Variants in GATA3 observed in about 807,000 individuals in gnomAD.
GATA3 encodes trans-acting T-cell-specific transcription factor GATA-3.
GATA3 carries 6 observed loss-of-function variants against 36.0 expected under a neutral mutation model. The ratio of observed to expected loss-of-function variants is 0.17; its 90% CI spans 0.09 to 0.33. The LOEUF (loss-of-function observed/expected upper bound fraction) is 0.33, where lower values mean the gene tolerates loss of function less well. Among genes scored for constraint, GATA3 ranks in the 10% least tolerant of loss-of-function variants. GATA3 has a pLI of 1.00. For missense variants in GATA3, 514 were observed against 610.1 expected (o/e 0.84, Z 1.66); for synonymous variants, 326 against 273.0 (o/e 1.19, Z -1.92).
upstream of GATA3, chr10:8,051,191 G>A (rs1434558128): frequency 4.3e-6 from 2 of 465,500 alleles, no homozygotes; most frequent in Non-Finnish European, 8.9e-6. Context: ...ATGTGTTTGG[G>A]GGTGTGTGTG....
At chr10:8,052,901 G>GT (rs1008095341), upstream of GATA3, 3 of 150,672 alleles carry the variant, frequency 2.0e-5, no homozygotes, top group Admixed American at 6.6e-5. Flanking sequence ...ACGTGGCGGG[G>GT]GGGGGGGGAG....
intron 5 of GATA3, among the ~76,000 whole-genome samples, chr10:8,072,441 T>TTTGC (rs1471344768): frequency 6.6e-6 from 1 of 152,164 alleles, no homozygotes; most frequent in Non-Finnish European, 1.5e-5. Context: ...AGATGTGGAG[T>TTTGC]TTGCTCTTCC....
At position 8,058,689 on chromosome 10, in the gene GATA3, G is replaced by T. The variant is rs1289615885; in HGVS notation, c.626G>T (p.Gly209Val). ...SHSRGSMTAL[G>V]GASSSTHHPI... ...TCCCGTGGCAGCATGACCGCCCTGG[G>T]TGGAGCCTCCTCGTCGACCCACCAC... The change falls in exon 3 of 6, where the codon GGT becomes GTT. Residue 209 changes from glycine (G) to valine (V), a missense_variant. Transcript: ENST00000379328. 3 of 1,613,058 alleles carry T rather than the reference G, an allele frequency of 1.9e-6. No individual in the cohort carries two copies. The highest frequency in any genetic ancestry group is 1.1e-5 in the South Asian group (1 of 91,090).
At chr10:8,060,129 A>G (rs1156884246) in intron 3 of GATA3, among the ~76,000 whole-genome samples, 1 of 152,190 alleles carries the variant, frequency 6.6e-6, no homozygotes, top group Admixed American at 6.5e-5. Flanking sequence ...ATTCACTCCG[A>G]CTGCCTGAGC....
intron 2 of GATA3, 87 bp from the exon 3 acceptor site, chr10:8,058,218 G>A (rs1220751419): frequency 6.2e-6 from 9 of 1,448,018 alleles, no homozygotes; most frequent in South Asian, 2.3e-5. Flanking sequence ...CCGATGCGAG[G>A]TAGAGATTCC....
upstream of GATA3, among the ~76,000 whole-genome samples, chr10:8,049,821 T>TA (rs1412056586): frequency 6.6e-6 from 1 of 151,936 alleles, no homozygotes; most frequent in Non-Finnish European, 1.5e-5. Flanking sequence ...CCTCCCACCA[T>TA]AGGGAAGGAA....
chr10:8,060,824 A>T (rs966652244), intron 3 of GATA3, among the ~76,000 whole-genome samples: 1 of 152,182 alleles, frequency 6.6e-6, no homozygotes, highest in Non-Finnish European at 1.5e-5. Flanking sequence ...GAATACCGAT[A>T]CACCGATTTT....
At chr10:8,063,593 T>C (rs1387295347) in intron 3 of GATA3, among the ~76,000 whole-genome samples, 2 of 152,218 alleles carry the variant, frequency 1.3e-5, no homozygotes, top group Non-Finnish European at 2.9e-5. Flanking sequence ...TTCCTTTTTT[T>C]CCTTTGAGGG....
At chr10:8,050,624 T>A (rs1832460382), upstream of GATA3, 1 of 206,380 alleles carries the variant, frequency 4.8e-6, no homozygotes, top group South Asian at 6.3e-5. Context: ...CCGGCTTCTT[T>A]TCTGTCTGCG....
Position 8,061,360 on chromosome 10 carries a change from C to T in GATA3, c.778+2519C>T, listed in dbSNP as rs148321607. 2.4e-3 allele frequency among the ~76,000 whole-genome samples: 364 copies of T among 152,298 alleles called. 1 individual carries two copies. The highest frequency in any genetic ancestry group is 4.3e-3 in the Non-Finnish European group (294 of 68,024). On this transcript the variant is annotated intron_variant, in intron 3 of 5. Coordinates refer to ENST00000379328, the MANE Select transcript of GATA3 (RefSeq NM_001002295.2). ...ATCTGATCGAGCTCCTGCCCTGCTC[C>T]CTACCCCCTCCCACAGCCTGGTTTA...
Position 8,055,731 on chromosome 10 carries a change from A to C in GATA3, c.76A>C (p.Thr26Pro), listed in dbSNP as rs1832621545. ...CGTGCTCAACGGGCAGCACCCGGACACGCACCACCCGGGCCTCAGCCACTC... is the reference window on the plus strand; with the variant it reads ...CGTGCTCAACGGGCAGCACCCGGACCCGCACCACCCGGGCCTCAGCCACTC... ...PAVLNGQHPD[T>P]HHPGLSHSYM... The change falls in exon 2 of 6, where the codon ACG becomes CCG. Residue 26 changes from threonine (T) to proline (P), a missense_variant. By Grantham distance (38) the Thr-to-Pro change is conservative (BLOSUM62 -1). Transcript: ENST00000379328. This position sits in a 1 kb window ranked among gnomAD's most constrained non-coding sequence, Gnocchi z 5.4. 2 of 1,572,700 alleles carry C rather than the reference A, an allele frequency of 1.3e-6. No homozygotes were observed. Among genetic ancestry groups the C allele is most frequent in the Non-Finnish European group, 1.7e-6 (2 of 1,159,276 alleles).
chr10:8,055,599 T>C lies in GATA3; in HGVS notation c.-57T>C, dbSNP rs1588374578. The stretch of plus-strand genomic sequence containing the variant: ...CCCCGACCTCCCAGGCGGACCGCCC[T>C]CCCTCCCCGCGCGCGGGTTCCGGGC... On this transcript the variant is annotated 5_prime_UTR_variant, in exon 2 of 6. Transcript: ENST00000379328. This position sits in a 1 kb window ranked among gnomAD's most constrained non-coding sequence, Gnocchi z 5.4. 1 of 1,485,722 alleles carries C rather than the reference T, an allele frequency of 6.7e-7. No individual in the cohort carries two copies. The highest frequency in any genetic ancestry group is 2.6e-5 in the East Asian group (1 of 38,334). The allele number at this position is 1,485,722 out of a possible 1,614,324, so 92.0% of individuals were successfully genotyped here.
At chr10:8,047,923 A>C (rs1196742935) in intron 1 of GATA3, among the ~76,000 whole-genome samples, 2 of 148,060 alleles carry the variant, frequency 1.4e-5, no homozygotes, top group Non-Finnish European at 3.0e-5. Flanking sequence ...TTTTTTTTTC[A>C]CCAGGTGGTC....
At chr10:8,059,028 C>A (rs545105042) in intron 3 of GATA3, among the ~76,000 whole-genome samples, 187 bp downstream of exon 3, 8 of 152,134 alleles carry the variant, frequency 5.3e-5, no homozygotes, top group Non-Finnish European at 8.8e-5. Flanking sequence ...CGCCTGGCCT[C>A]GGAAGCAGAG....
chr10:8,072,580 G>A (rs1265839365), intron 5 of GATA3, among the ~76,000 whole-genome samples: 1 of 152,212 alleles, frequency 6.6e-6, no homozygotes, highest in Non-Finnish European at 1.5e-5. Context: ...AGGCAAATGA[G>A]GTTTATTAAG....
chr10:8,047,209 C>A lies in GATA3; in HGVS notation c.-370+1694C>A, dbSNP rs1832402466. ...CAGTTGCCCTGGGTCACACAGAGTG[C>A]CTGGGGAACCGGCAGGTAGGTGGGA... On this transcript the variant is annotated intron_variant, in intron 1 of 1. Coordinates refer to the GATA3 transcript ENST00000643001. 2.0e-5 allele frequency among the ~76,000 whole-genome samples: 3 copies of A among 152,238 alleles called. No individual in the cohort carries two copies. The South Asian group carries it at 6.2e-4, about 32-fold the overall frequency.
At chr10:8,049,191 C>T (rs549871341), upstream of GATA3, among the ~76,000 whole-genome samples, 132 of 150,248 alleles carry the variant, frequency 8.8e-4, no homozygotes, top group African/African-American at 3.1e-3. Flanking sequence ...AACGATAGCT[C>T]ATTTCACGGG....
upstream of GATA3, chr10:8,053,801 C>T (rs919703455): frequency 1.3e-5 from 2 of 152,132 alleles, no homozygotes; most frequent in Admixed American, 1.3e-4. The surrounding 1 kb of genome is among the most constrained non-coding windows in gnomAD (Gnocchi z 5.1). Flanking sequence ...CCGGGCGGGG[C>T]GAAAGGAAAA....
At chr10:8,060,790 G>A (rs1010559069) in intron 3 of GATA3, among the ~76,000 whole-genome samples, 20 of 152,144 alleles carry the variant, frequency 1.3e-4, no homozygotes, top group Admixed American at 8.5e-4. Context: ...AGAGAGGGCC[G>A]TGGTTTCCCT....
Sources: allele counts gnomAD v4.1 joint callset (sites outside exome capture counted in the v4.1 genomes callset), GRCh38; gene constraint gnomAD v4.1.1; non-coding constraint Gnocchi (gnomAD v3.1); transcripts MANE v1.5; gene names NCBI Gene and HGNC (gene_info 2026-07-23, HGNC 2026-07-21).